Variants in CPEB3 observed in about 807,000 individuals in gnomAD.
CPEB3 encodes the protein cytoplasmic polyadenylation element binding protein 3.
Under a neutral mutation model 67.2 loss-of-function variants are expected in CPEB3, and 20 were observed. The ratio of observed to expected loss-of-function variants is 0.30; its 90% CI spans 0.21 to 0.43. The LOEUF is 0.43. CPEB3 is among the 20% of genes least tolerant of loss of function. The pLI is 1.00. For synonymous variants in CPEB3, 376 were observed against 393.1 expected (o/e 0.96, Z 0.51); for missense variants, 746 against 968.6 (o/e 0.77, Z 3.05).
At chr10:92,114,096 C>T (rs183096215) in intron 6 of CPEB3, among the ~76,000 whole-genome samples, 42 of 152,238 alleles carry the variant, frequency 2.8e-4, no homozygotes, top group Admixed American at 1.4e-3. Context: ...CATGGCTAAA[C>T]TCCCCCCAAC....
intron 6 of CPEB3, among the ~76,000 whole-genome samples, chr10:92,129,410 C>T (rs1360530377): frequency 6.6e-6 from 1 of 152,062 alleles, no homozygotes; most frequent in African/African-American, 2.4e-5. Flanking sequence ...GGCTTAATAC[C>T]TGGGTGACCA....
At chr10:92,135,402 A>G (rs1846043791) in intron 6 of CPEB3, among the ~76,000 whole-genome samples, 2 of 152,248 alleles carry the variant, frequency 1.3e-5, no homozygotes, top group South Asian at 2.1e-4. Context: ...CAACAGACAC[A>G]TGAAAAAATG....
At chr10:92,278,047 A>T (rs1842075929) in intron 1 of CPEB3, among the ~76,000 whole-genome samples, 1 of 151,746 alleles carries the variant, frequency 6.6e-6, no homozygotes, top group East Asian at 1.9e-4. Context: ...TTAGCTGGGC[A>T]TGGTGGCGGG....
chr10:92,230,059 G>T (rs952074836), intron 2 of CPEB3, among the ~76,000 whole-genome samples: 4 of 151,064 alleles, frequency 2.6e-5, no homozygotes, highest in Admixed American at 2.6e-4. Flanking sequence ...AAAAAAAAAA[G>T]AAATACTAGA....
intron 4 of CPEB3, among the ~76,000 whole-genome samples, chr10:92,174,389 C>T (rs1412303837): frequency 6.6e-6 from 1 of 152,128 alleles, no homozygotes; most frequent in Non-Finnish European, 1.5e-5. Flanking sequence ...TAAGCAAAAC[C>T]TTCTAAAATG....
At chr10:92,203,500 ATGTG>A (rs1373928836) in intron 2 of CPEB3, among the ~76,000 whole-genome samples, 1 of 140,386 alleles carries the variant, frequency 7.1e-6, no homozygotes, top group Admixed American at 7.4e-5. Flanking sequence ...GTGTATATAT[ATGTG>A]TGTGTATATA....
rs147485486 is a variant in CPEB3 at position 92,284,569 on chromosome 10, T to C, written c.-12+6357A>G. The stretch of plus-strand genomic sequence containing the variant: ...CGCTGTTCTTTGGCCTGGAATGTTC[T>C]TCCCTCTTCCCTTTATCTAGTTAAT... On this transcript the variant is annotated intron_variant, in intron 1 of 9. Coordinates refer to ENST00000265997, the MANE Select transcript of CPEB3 (RefSeq NM_014912.5). Among the ~76,000 whole-genome samples, 3 of 152,252 alleles carry C rather than the reference T, an allele frequency of 2.0e-5. No individual in the cohort carries two copies. The East Asian group carries it at 5.8e-4, about 29-fold the overall frequency.
At chr10:92,122,581 T>C (rs1427342894) in intron 6 of CPEB3, among the ~76,000 whole-genome samples, 1 of 152,168 alleles carries the variant, frequency 6.6e-6, no homozygotes, top group Non-Finnish European at 1.5e-5. Flanking sequence ...TCTTAAGGAG[T>C]TTATATACTA....
At chr10:92,107,759 T>C (rs966177417) in intron 7 of CPEB3, among the ~76,000 whole-genome samples, 2 of 152,152 alleles carry the variant, frequency 1.3e-5, no homozygotes, top group Non-Finnish European at 2.9e-5. Flanking sequence ...ATACCTCCTC[T>C]TGCTCTTGCC....
intron 9 of CPEB3, among the ~76,000 whole-genome samples, chr10:92,058,588 CATACATAT>C (rs1459399886): frequency 1.8e-3 from 225 of 123,968 alleles, no homozygotes; most frequent in Admixed American, 3.5e-3. Context: ...TACATACATA[CATACATAT>C]ATATATATAT....
Position 92,192,481 on chromosome 10 carries a change from A to G in CPEB3, c.1161T>C (p.Phe387=). Residue 387 remains phenylalanine, a synonymous_variant, in exon 3 of 10, where the codon TTT becomes TTC. Transcript: ENST00000265997. ...SFADIMWRNH[F]AGRMGINFHH... is the part of the protein sequence containing the mutation. ...GGACATATGAATATTCCTAACCTGC[A>G]AAATGATTCCTCCACATTATATCAG... 1.2e-6 allele frequency: 2 copies of G among 1,612,302 alleles called. No individual in the cohort carries two copies. The highest frequency in any genetic ancestry group is 2.7e-5 in the African/African-American group (2 of 74,958).
chr10:92,203,233 G>A (rs1013517881), intron 2 of CPEB3, among the ~76,000 whole-genome samples: 2 of 150,896 alleles, frequency 1.3e-5, no homozygotes, highest in Admixed American at 6.6e-5. Flanking sequence ...GAGCCACCGC[G>A]CCCAGCCTTT....
intron 4 of CPEB3, among the ~76,000 whole-genome samples, chr10:92,161,252 T>C (rs914640614): frequency 6.6e-6 from 1 of 152,094 alleles, no homozygotes; most frequent in Non-Finnish European, 1.5e-5. Context: ...GCTTAGATTT[T>C]TTTTTGTTTC....
chr10:92,265,154 C>T (rs1256372761), intron 1 of CPEB3, among the ~76,000 whole-genome samples: 3 of 150,902 alleles, frequency 2.0e-5, no homozygotes, highest in African/African-American at 4.9e-5. Flanking sequence ...AGCGAGACTC[C>T]GCCTCAAAAA....
At chr10:92,102,741 C>T (rs746274119) in intron 7 of CPEB3, among the ~76,000 whole-genome samples, 49 of 152,194 alleles carry the variant, frequency 3.2e-4, no homozygotes, top group Non-Finnish European at 4.9e-4. Context: ...CAAGTCAACA[C>T]CTCTCTAAAG....
At chr10:92,158,047 A>G (rs1847291102) in intron 4 of CPEB3, among the ~76,000 whole-genome samples, 1 of 151,802 alleles carries the variant, frequency 6.6e-6, no homozygotes. Context: ...AAAAAAATTT[A>G]CCTCGTCTCC....
chr10:92,244,680 G>A (rs1217678864), intron 1 of CPEB3, among the ~76,000 whole-genome samples: 1 of 151,790 alleles, frequency 6.6e-6, no homozygotes, highest in Non-Finnish European at 1.5e-5. Context: ...CTCGTGATCC[G>A]CCCGCCTCTG....
At chr10:92,106,037 C>T (rs754355379) in intron 7 of CPEB3, among the ~76,000 whole-genome samples, 2 of 151,938 alleles carry the variant, frequency 1.3e-5, no homozygotes, top group African/African-American at 2.4e-5. Context: ...GAATTAGAGG[C>T]GCCCACCACC....
chr10:92,057,430 T>C (rs191890418), intron 9 of CPEB3, among the ~76,000 whole-genome samples: 2 of 152,300 alleles, frequency 1.3e-5, no homozygotes, highest in Admixed American at 6.5e-5. Context: ...TCAGTCACAA[T>C]ACAATAGAAT....
Sources: allele counts gnomAD v4.1 joint callset (sites outside exome capture counted in the v4.1 genomes callset), GRCh38; gene constraint gnomAD v4.1.1; transcripts MANE v1.5; gene names NCBI Gene and HGNC (gene_info 2026-07-23, HGNC 2026-07-21).